Variants in MFHAS1 observed in about 807,000 individuals in gnomAD.
MFHAS1 encodes multifunctional ROCO family signaling regulator 1.
In MFHAS1, 50 loss-of-function variants were observed where a neutral mutation model predicts 70.4. That is an observed-to-expected ratio of 0.71 (90% CI 0.57 to 0.90). MFHAS1 has a LOEUF of 0.90. Among genes scored for constraint, MFHAS1 ranks in the 40% least tolerant of loss-of-function variants. The pLI is 0.00. For synonymous variants in MFHAS1, 952 were observed against 620.0 expected (o/e 1.54, Z -7.96); for missense variants, 1,795 against 1,347.6 (o/e 1.33, Z -5.20).
At chr8:8,805,689 TTTTTG>T (rs1806264252) in intron 1 of MFHAS1, among the ~76,000 whole-genome samples, 1 of 152,070 alleles carries the variant, frequency 6.6e-6, no homozygotes, top group Non-Finnish European at 1.5e-5. Context: ...TTTGGAGGGT[TTTTTG>T]TTTTGTTTTG....
chr8:8,860,232 GC>G (rs1563208217), intron 1 of MFHAS1, among the ~76,000 whole-genome samples: 2 of 152,280 alleles, frequency 1.3e-5, no homozygotes, highest in East Asian at 3.9e-4. Flanking sequence ...TCACACGACA[GC>G]CCTTCTTGGG....
chr8:8,867,720 G>A (rs1205056704), intron 1 of MFHAS1, among the ~76,000 whole-genome samples: 1 of 151,918 alleles, frequency 6.6e-6, no homozygotes, highest in African/African-American at 2.4e-5. Context: ...ACCACACCCG[G>A]CTAATTTTTT....
intron 1 of MFHAS1, among the ~76,000 whole-genome samples, chr8:8,849,435 T>A (rs1430084631): frequency 6.6e-6 from 1 of 152,180 alleles, no homozygotes; most frequent in East Asian, 1.9e-4. Flanking sequence ...AGCAAGTAAT[T>A]TCAGTTCACT....
chr8:8,874,052 C>CG (rs1393707349), intron 1 of MFHAS1, among the ~76,000 whole-genome samples: 1 of 152,168 alleles, frequency 6.6e-6, no homozygotes, highest in Non-Finnish European at 1.5e-5. Context: ...AATCACAAAG[C>CG]GAAGCCTTCA....
At chr8:8,828,888 C>T (rs958451106) in intron 1 of MFHAS1, among the ~76,000 whole-genome samples, 1 of 152,154 alleles carries the variant, frequency 6.6e-6, no homozygotes, top group African/African-American at 2.4e-5. Context: ...CTTATCCCGC[C>T]CCTAGCTCAG....
intron 1 of MFHAS1, among the ~76,000 whole-genome samples, chr8:8,812,084 C>G (rs541532076): frequency 7.9e-5 from 12 of 152,200 alleles, no homozygotes; most frequent in Non-Finnish European, 1.5e-4. Context: ...AAAACCACAA[C>G]AAAGTCAAGT....
intron 1 of MFHAS1, among the ~76,000 whole-genome samples, chr8:8,873,951 G>A (rs996341851): frequency 2.0e-5 from 3 of 152,194 alleles, no homozygotes; most frequent in Non-Finnish European, 4.4e-5. Context: ...TGTAATGGCT[G>A]AATTAAGCTG....
chr8:8,890,756 G>A lies in MFHAS1; in HGVS notation c.2303C>T (p.Pro768Leu), dbSNP rs542844021. ...GCTGGGGGTGGACCGCGCCATGGGC[G>A]GGGAGCTTTCCCCCTCCGCCTTGCC... is the stretch of plus-strand genomic sequence containing the variant. The part of the protein sequence containing the change: ...GEGKAEGESS[P>L]PMARSTPSQE... The change falls in exon 1 of 3, where the codon CCG becomes CTG. Residue 768 changes from proline (P) to leucine (L), a missense_variant. Coordinates refer to ENST00000276282, the MANE Select transcript of MFHAS1 (RefSeq NM_004225.3). The A allele has an allele frequency of 9.9e-5, 159 of 1,613,846 alleles. 2 individuals carry two copies. The South Asian group carries it at 1.3e-3, about 13-fold the overall frequency.
At chr8:8,841,260 C>A (rs1034506827) in intron 1 of MFHAS1, among the ~76,000 whole-genome samples, 1 of 151,898 alleles carries the variant, frequency 6.6e-6, no homozygotes, top group Non-Finnish European at 1.5e-5. Context: ...GGATCACCTG[C>A]GGTCATGAGT....
chr8:8,872,084 C>T (rs1036405604), intron 1 of MFHAS1, among the ~76,000 whole-genome samples: 7 of 152,190 alleles, frequency 4.6e-5, no homozygotes, highest in Non-Finnish European at 1.0e-4. Flanking sequence ...GCCCGGATGG[C>T]AAGCATTATA....
At chr8:8,807,197 T>A (rs938331645) in intron 1 of MFHAS1, among the ~76,000 whole-genome samples, 7 of 152,134 alleles carry the variant, frequency 4.6e-5, no homozygotes, top group Admixed American at 2.6e-4. Context: ...AACGTCCTTA[T>A]CTGACCAAGA....
At chr8:8,836,359 G>C (rs963710263) in intron 1 of MFHAS1, among the ~76,000 whole-genome samples, 1 of 152,062 alleles carries the variant, frequency 6.6e-6, no homozygotes, top group African/African-American at 2.4e-5. Context: ...AAAGTACCCA[G>C]CTTTCCTTTC....
intron 1 of MFHAS1, among the ~76,000 whole-genome samples, chr8:8,840,155 G>A (rs997096628): frequency 1.3e-5 from 2 of 152,104 alleles, no homozygotes; most frequent in African/African-American, 4.8e-5. Flanking sequence ...CTCCAGGGAC[G>A]CAACAAAATG....
intron 1 of MFHAS1, among the ~76,000 whole-genome samples, chr8:8,824,469 TG>T (rs1807079153): frequency 6.9e-6 from 1 of 144,904 alleles, no homozygotes; most frequent in Admixed American, 7.1e-5. Context: ...TCAGATGCAG[TG>T]CTAGGGTGAG....
chr8:8,867,898 G>A (rs1174448483), intron 1 of MFHAS1, among the ~76,000 whole-genome samples: 1 of 152,038 alleles, frequency 6.6e-6, no homozygotes, highest in Non-Finnish European at 1.5e-5. Flanking sequence ...AAAAACCCTG[G>A]GATCTGAGGG....
intron 2 of MFHAS1, among the ~76,000 whole-genome samples, chr8:8,787,808 G>A (rs976054527): frequency 1.3e-5 from 2 of 152,140 alleles, no homozygotes; most frequent in Non-Finnish European, 2.9e-5. Flanking sequence ...TGCTCCCCGG[G>A]CTACACGTAA....
chr8:8,806,960 C>CAA (rs377467491), intron 1 of MFHAS1, among the ~76,000 whole-genome samples: 5 of 139,350 alleles, frequency 3.6e-5, no homozygotes, highest in African/African-American at 1.3e-4. Context: ...GACTCTGTCT[C>CAA]AAAAAAAAAA....
chr8:8,829,342 A>T (rs1378489605), intron 1 of MFHAS1, among the ~76,000 whole-genome samples: 1 of 152,136 alleles, frequency 6.6e-6, no homozygotes, highest in Admixed American at 6.5e-5. Context: ...TGCCTTTCTC[A>T]CACTGTGCTC....
chr8:8,865,178 G>A (rs909217987), intron 1 of MFHAS1, among the ~76,000 whole-genome samples: 2 of 149,776 alleles, frequency 1.3e-5, no homozygotes, highest in Non-Finnish European at 3.0e-5. Flanking sequence ...TCAGGAGGCC[G>A]AGGCAGGAGA....
Sources: allele counts gnomAD v4.1 joint callset (sites outside exome capture counted in the v4.1 genomes callset), GRCh38; gene constraint gnomAD v4.1.1; transcripts MANE v1.5; gene names NCBI Gene and HGNC (gene_info 2026-07-23, HGNC 2026-07-21).